Variants in PCDHA9 observed in about 807,000 individuals in gnomAD.
PCDHA9 encodes protocadherin alpha-9.
A neutral mutation model predicts 62.0 loss-of-function variants in PCDHA9; 62 were observed. The ratio of observed to expected loss-of-function variants is 1.00; its 90% CI spans 0.81 to 1.23. The LOEUF (loss-of-function observed/expected upper bound fraction) is 1.23. PCDHA9 is among the 50% of genes most tolerant of loss of function. The pLI is 0.00. For synonymous variants in PCDHA9, 557 were observed against 567.6 expected (o/e 0.98, Z 0.27); for missense variants, 1,205 against 1,249.8 (o/e 0.96, Z 0.54).
At chr5:140,910,780 C>T (rs2075160544) in intron 1 of PCDHA9, among the ~76,000 whole-genome samples, 1 of 152,192 alleles carries the variant, frequency 6.6e-6, no homozygotes, top group South Asian at 2.1e-4. Flanking sequence ...CAAGCTGCAA[C>T]ATTAAATGCA....
chr5:140,902,258 G>A (rs1389556264), intron 1 of PCDHA9, among the ~76,000 whole-genome samples: 2 of 137,592 alleles, frequency 1.5e-5, no homozygotes, highest in African/African-American at 5.6e-5. Context: ...GGCTGGTCTC[G>A]AACTCCTGGG....
At chr5:140,905,234 C>T (rs1303215169) in intron 1 of PCDHA9, among the ~76,000 whole-genome samples, 1 of 152,144 alleles carries the variant, frequency 6.6e-6, no homozygotes, top group African/African-American at 2.4e-5. Flanking sequence ...GATGAGGATC[C>T]AGTTTCATTC....
chr5:140,994,460 T>C (rs1260062613), intron 3 of PCDHA9, among the ~76,000 whole-genome samples: 1 of 152,124 alleles, frequency 6.6e-6, no homozygotes, highest in African/African-American at 2.4e-5. Context: ...CCCAGCACTT[T>C]GGGAGGCTGA....
intron 1 of PCDHA9, chr5:140,854,217 C>A: frequency 6.6e-6 from 4 of 607,972 alleles, no homozygotes; most frequent in Middle Eastern, 8.4e-4. Context: ...CAATATTGGA[C>A]ATCTACATTG....
chr5:140,867,523 A>AGT (rs2050005446), intron 1 of PCDHA9: 1 of 152,088 alleles, frequency 6.6e-6, no homozygotes, highest in South Asian at 2.1e-4. Context: ...TTAATAGTTG[A>AGT]ATATATATAT....
Position 141,010,149 on chromosome 5 carries a change from C to T in PCDHA9, c.*212C>T. 6.3e-7 allele frequency: 1 copy of T among 1,580,088 alleles called. No individual in the cohort carries two copies. Among genetic ancestry groups the T allele is most frequent in the Non-Finnish European group, 8.6e-7 (1 of 1,161,942 alleles). On this transcript the variant is annotated 3_prime_UTR_variant, in exon 4 of 4. Transcript: ENST00000532602. ...GTCTGGTGTTAACTCTTTCTCTCCA[C>T]TCTGGCTTGTTTTCAGAACCTAAAA...
rs782489417 is a variant in PCDHA9, at chr5:140,927,802, A to C, written c.2395-51147A>C. 6.2e-6 allele frequency: 10 copies of C among 1,614,148 alleles called. No homozygotes were observed. The East Asian group carries it at 2.0e-4, about 32-fold the overall frequency. On this transcript the variant is annotated intron_variant, in intron 1 of 3. Transcript: ENST00000532602. ...AGCTGCTTCACTAGGTCCGCCTGAA[A>C]CGCTCTTGGAGGCATACATTGAGGC...
chr5:140,970,473 CA>C (rs1177454514), intron 1 of PCDHA9, among the ~76,000 whole-genome samples: 4 of 151,956 alleles, frequency 2.6e-5, no homozygotes, highest in African/African-American at 9.7e-5. Flanking sequence ...GGTATAAGGC[CA>C]GCTTGTTCAT....
intron 1 of PCDHA9, among the ~76,000 whole-genome samples, chr5:140,911,457 A>G (rs1225259689): frequency 6.6e-6 from 1 of 152,144 alleles, no homozygotes; most frequent in Non-Finnish European, 1.5e-5. Flanking sequence ...CTCTTTCTCT[A>G]CAGGAGATAA....
At chr5:140,968,332 C>T (rs2096240603) in intron 1 of PCDHA9, 2 of 1,614,158 alleles carry the variant, frequency 1.2e-6, no homozygotes, top group Non-Finnish European at 1.7e-6. Flanking sequence ...CCTCCTATGT[C>T]TCCATTAACA....
chr5:140,923,012 G>A (rs2081117924), intron 1 of PCDHA9, among the ~76,000 whole-genome samples: 1 of 152,206 alleles, frequency 6.6e-6, no homozygotes, highest in Non-Finnish European at 1.5e-5. Flanking sequence ...TTGTTGGACT[G>A]CAGTTTCGGA....
intron 1 of PCDHA9, chr5:140,967,383 T>A: frequency 6.2e-7 from 1 of 1,608,702 alleles, no homozygotes; most frequent in Non-Finnish European, 8.5e-7. Flanking sequence ...AACAGTAAAG[T>A]GCTTGAGCTG....
At chr5:140,914,166 G>A (rs183790385) in intron 1 of PCDHA9, among the ~76,000 whole-genome samples, 2 of 152,250 alleles carry the variant, frequency 1.3e-5, no homozygotes, top group African/African-American at 2.4e-5. Context: ...TACGGAAAGT[G>A]GGGTGTTGAA....
intron 1 of PCDHA9, chr5:140,857,340 C>A (rs782392001): frequency 9.4e-6 from 15 of 1,598,236 alleles, no homozygotes; most frequent in Non-Finnish European, 1.2e-5. Context: ...GACGGGGGCT[C>A]GCCTCCGCTG....
intron 1 of PCDHA9, chr5:140,868,741 A>G: frequency 4.8e-6 from 1 of 208,168 alleles, no homozygotes; most frequent in South Asian, 1.1e-4. Flanking sequence ...GAGAAATACA[A>G]TGCCATTTCC....
At chr5:140,884,588 C>G (rs1554181766) in intron 1 of PCDHA9, 1 of 1,614,152 alleles carries the variant, frequency 6.2e-7, no homozygotes, top group East Asian at 2.2e-5. Context: ...GGCCTTCAGT[C>G]CCAGCCTTCC....
chr5:140,932,021 GT>G (rs1387709791), intron 1 of PCDHA9, among the ~76,000 whole-genome samples: 11 of 151,964 alleles, frequency 7.2e-5, no homozygotes, highest in African/African-American at 2.6e-4. Flanking sequence ...TTTACGGTAA[GT>G]TTACAGTATA....
chr5:140,996,312 G>A (rs1397001765), intron 3 of PCDHA9, among the ~76,000 whole-genome samples: 2 of 152,186 alleles, frequency 1.3e-5, no homozygotes, highest in African/African-American at 2.4e-5. Flanking sequence ...CAAAGTAAGG[G>A]GGGAGGGTAG....
Position 140,851,840 on chromosome 5 carries a change from T to C in PCDHA9, c.2394+951T>C. ...AGAAATCTGTTTTTTTAAAAATATCTTTTTCTCCTCTCAGCTCATACATAA... is the reference window on the plus strand; with the variant it reads ...AGAAATCTGTTTTTTTAAAAATATCCTTTTCTCCTCTCAGCTCATACATAA... On this transcript the variant is annotated intron_variant, in intron 1 of 3. Coordinates refer to ENST00000532602, the MANE Select transcript of PCDHA9 (RefSeq NM_031857.2). 3 of 970,528 alleles carry C rather than the reference T, an allele frequency of 3.1e-6. 1 individual carries two copies. The highest frequency in any genetic ancestry group is 3.7e-6 in the Non-Finnish European group (3 of 803,428). The allele number at this position is 970,528 out of a possible 1,614,324, so 60.1% of individuals were successfully genotyped here.
Sources: allele counts gnomAD v4.1 joint callset (sites outside exome capture counted in the v4.1 genomes callset), GRCh38; gene constraint gnomAD v4.1.1; transcripts MANE v1.5; gene names NCBI Gene and HGNC (gene_info 2026-07-23, HGNC 2026-07-21).